The following MITF variants were observed in gnomAD, a reference collection of about 807,000 sequenced individuals.
MITF encodes microphthalmia-associated transcription factor.
Under a neutral mutation model 60.5 loss-of-function variants are expected in MITF, and 17 were observed. That is an observed-to-expected ratio of 0.28 (90% confidence interval 0.19 to 0.42). The LOEUF (loss-of-function observed/expected upper bound fraction) is 0.42, where lower values mean the gene tolerates loss of function less well. MITF is among the 10% of genes least tolerant of loss of function. The probability of loss-of-function intolerance (pLI) is 1.00; values close to 1 mark genes in which losing one functional copy is unlikely to be tolerated. For synonymous variants in MITF, 260 were observed against 248.5 expected, an observed-to-expected ratio of 1.05 and a Z score of -0.43; for missense variants, 622 against 683.5, an observed-to-expected ratio of 0.91 and a Z score of 1.00.
intron 5 of MITF, among the ~76,000 whole-genome samples, chr3:69,943,038 TG>T (rs2066005326): frequency 6.6e-6 from 1 of 151,816 alleles, no homozygotes; most frequent in African/African-American, 2.4e-5. Flanking sequence ...TGATATCATT[TG>T]GTCTAACCTA....
chr3:69,938,508 T>C, intron 3 of MITF: 1 of 1,458,506 alleles, frequency 6.9e-7, no homozygotes. Flanking sequence ...GAAGAAAGAA[T>C]GGAATATGCA....
At chr3:69,939,278 C>T in intron 4 of MITF, 97 bp downstream of exon 4, 1 of 1,124,098 alleles carries the variant, frequency 8.9e-7, no homozygotes, top group Non-Finnish European at 1.3e-6. Flanking sequence ...GCATTTTTTT[C>T]CCCCATTGTT....
At chr3:69,953,895 A>T (rs1472984934) in intron 7 of MITF, among the ~76,000 whole-genome samples, 1 of 152,026 alleles carries the variant, frequency 6.6e-6, no homozygotes, top group African/African-American at 2.4e-5. Flanking sequence ...TAAAAATAGC[A>T]CACTGGGGAG....
chr3:69,920,226 C>A (rs909403619), intron 2 of MITF, among the ~76,000 whole-genome samples: 3 of 152,286 alleles, frequency 2.0e-5, no homozygotes, highest in Non-Finnish European at 4.4e-5. Context: ...TGGGAAGATG[C>A]CCGTTGCCAG....
chr3:69,843,075 C>T (rs953419057), intron 1 of MITF, among the ~76,000 whole-genome samples: 1 of 152,040 alleles, frequency 6.6e-6, no homozygotes, highest in Non-Finnish European at 1.5e-5. Flanking sequence ...CTATAGAATA[C>T]CTCGCTCCAG....
At chr3:69,825,757 G>T (rs2063343892) in intron 1 of MITF, among the ~76,000 whole-genome samples, 1 of 152,112 alleles carries the variant, frequency 6.6e-6, no homozygotes, top group African/African-American at 2.4e-5. Flanking sequence ...TTATTTTTGA[G>T]ATGGGGAAAC....
intron 1 of MITF, 43 bp downstream of exon 1, chr3:69,739,744 G>A: frequency 7.0e-7 from 1 of 1,436,730 alleles, no homozygotes. Context: ...GGCGGCTGGG[G>A]GGCACTGCGT....
intron 2 of MITF, among the ~76,000 whole-genome samples, chr3:69,884,257 A>G (rs17006574): frequency 0.071 from 10,846 of 152,164 alleles, 940 homozygotes; most frequent in African/African-American, 0.2. Context: ...ACAGTTTAGG[A>G]TGCAGCCTTC....
chr3:69,943,505 G>T (rs2066019986), intron 5 of MITF, among the ~76,000 whole-genome samples: 1 of 151,966 alleles, frequency 6.6e-6, no homozygotes. Flanking sequence ...TTTAGCATTG[G>T]AAACATAAGT....
At chr3:69,835,622 G>A (rs72950055) in intron 1 of MITF, among the ~76,000 whole-genome samples, 3,352 of 152,220 alleles carry the variant, frequency 0.022, 123 homozygotes, top group African/African-American at 0.077. Flanking sequence ...TTACATTTAA[G>A]TCTTTATTTC....
intron 1 of MITF, among the ~76,000 whole-genome samples, chr3:69,805,667 CT>C (rs1559641611): frequency 6.6e-6 from 1 of 151,152 alleles, no homozygotes; most frequent in Admixed American, 6.6e-5. Flanking sequence ...ATGCATCTTT[CT>C]TTTTTTAAAT....
intron 5 of MITF, among the ~76,000 whole-genome samples, chr3:69,948,545 T>TAA (rs796754740): frequency 2.9e-3 from 408 of 139,302 alleles, no homozygotes; most frequent in African/African-American, 0.01. Flanking sequence ...CATTTCCAAT[T>TAA]AAAAAAAAAA....
intron 2 of MITF, among the ~76,000 whole-genome samples, chr3:69,904,343 T>G (rs568021041): frequency 1.3e-5 from 2 of 152,266 alleles, no homozygotes; most frequent in African/African-American, 4.8e-5. Context: ...AACTGAAATG[T>G]TTGATCATAT....
intron 2 of MITF, among the ~76,000 whole-genome samples, chr3:69,905,691 G>A (rs2065083789): frequency 6.6e-6 from 1 of 151,910 alleles, no homozygotes; most frequent in South Asian, 2.1e-4. Flanking sequence ...GTACTGATGG[G>A]TGTGTAATAC....
At chr3:69,853,602 C>G (rs999149647) in intron 1 of MITF, among the ~76,000 whole-genome samples, 2 of 152,142 alleles carry the variant, frequency 1.3e-5, no homozygotes, top group Non-Finnish European at 2.9e-5. Context: ...CTCCTCTTTA[C>G]TCCCTACCTA....
intron 1 of MITF, chr3:69,866,414 A>C: frequency 6.3e-7 from 1 of 1,587,276 alleles, no homozygotes; most frequent in Non-Finnish European, 8.6e-7. Context: ...TTTCTCTTTA[A>C]GGGGGAGGAT....
intron 1 of MITF, among the ~76,000 whole-genome samples, chr3:69,797,661 A>G (rs2062852743): frequency 6.6e-6 from 1 of 152,150 alleles, no homozygotes; most frequent in Admixed American, 6.5e-5. Context: ...TTGATTTTAA[A>G]ATGCTGACAC....
chr3:69,896,423 C>CT (rs2064877321), intron 2 of MITF, among the ~76,000 whole-genome samples: 1 of 152,132 alleles, frequency 6.6e-6, no homozygotes, highest in Non-Finnish European at 1.5e-5. Flanking sequence ...AAAGGATCAA[C>CT]ATTAGAAGCA....
Position 69,837,218 on chromosome 3 carries a change from C to T in MITF, c.105-41916C>T, listed in dbSNP as rs548255858. On this transcript the variant is annotated intron_variant, in intron 1 of 9. Transcript: ENST00000352241. Reference sequence around the variant, plus strand: ...CTAAAGTCAAAGCTATCTCTGTCTCCCTCTACATTCATTAGAAGGGGAATT... The same window carrying T: ...CTAAAGTCAAAGCTATCTCTGTCTCTCTCTACATTCATTAGAAGGGGAATT... 5.4e-4 allele frequency among the ~76,000 whole-genome samples: 82 copies of T among 152,276 alleles called. No individual in the cohort carries two copies. The South Asian group carries it at 7.7e-3, about 14-fold the overall frequency.
Sources: allele counts gnomAD v4.1 joint callset (sites outside exome capture counted in the v4.1 genomes callset), GRCh38; gene constraint gnomAD v4.1.1; transcripts MANE v1.5; gene names NCBI Gene and HGNC (gene_info 2026-07-23, HGNC 2026-07-21).